Variants in MYO15A observed in about 807,000 individuals in gnomAD.
MYO15A encodes the protein myosin XVA, also known as unconventional myosin-XV.
MYO15A carries 308 observed loss-of-function variants against 394.6 expected under a neutral mutation model. The observed-to-expected ratio is 0.78, with a 90% confidence interval of 0.71 to 0.86. The LOEUF (loss-of-function observed/expected upper bound fraction) is 0.86, where lower values mean the gene tolerates loss of function less well. Among genes scored for constraint, MYO15A ranks in the 40% least tolerant of loss-of-function variants. MYO15A has a pLI of 0.00. For synonymous variants in MYO15A, 1,957 were observed against 2,003.8 expected (o/e 0.98, Z 0.62); for missense variants, 4,606 against 4,799.1 (o/e 0.96, Z 1.19).
chr17:18,120,816 CG>C lies in MYO15A; in HGVS notation c.2019del (p.Pro675ArgfsTer53). The part of the protein sequence containing the change: ...PPVPPRPPSS[G>X]PPPAPPLSPA... ...CCGTGCCCCCGCGGCCCCCAAGCTC[CG>C]GGCCCCCGCCCGCGCCGCCGCTCTC... On this transcript the variant is annotated frameshift_variant, in exon 2 of 66. Transcript: ENST00000647165. LOFTEE classifies it high-confidence loss of function. 1 of 1,218,464 alleles carries C rather than the reference CG, an allele frequency of 8.2e-7. No homozygotes were observed. The highest frequency in any genetic ancestry group is 1.0e-6 in the Non-Finnish European group (1 of 978,858). The allele number at this position is 1,218,464 out of a possible 1,614,324, so 75.5% of individuals were successfully genotyped here. A position where few individuals can be genotyped will look rare whatever the true frequency, so the allele number is the denominator to read the frequency against.
chr17:18,132,723 G>C lies in MYO15A; in HGVS notation c.4320+157G>C, dbSNP rs745444176. On this transcript the variant is annotated intron_variant, in intron 11 of 65. Coordinates refer to ENST00000647165, the MANE Select transcript of MYO15A (RefSeq NM_016239.4). The surrounding 1 kb of genome is among the most constrained non-coding windows in gnomAD (Gnocchi z 4.6). ...GATTTAAGACATCTCATGGCAGTGA[G>C]GGGGACCAGGAGTCTTCTGGGTCCA... Among the ~76,000 whole-genome samples, 1 of 152,222 alleles carries C rather than the reference G, an allele frequency of 6.6e-6. No individual in the cohort carries two copies. The highest frequency in any genetic ancestry group is 1.5e-5 in the Non-Finnish European group (1 of 68,036).
intron 29 of MYO15A, 47 bp downstream of exon 29, chr17:18,144,639 CTGAA>C: frequency 6.3e-7 from 1 of 1,585,998 alleles, no homozygotes. Flanking sequence ...GCCCCTGGCC[CTGAA>C]ACTGGGCCAT....
intron 65 of MYO15A, among the ~76,000 whole-genome samples, chr17:18,176,179 T>C (rs1468479913): frequency 1.3e-5 from 2 of 152,348 alleles, no homozygotes; most frequent in Middle Eastern, 3.4e-3. Flanking sequence ...TACGTTGCTA[T>C]AAAGGAATAT....
In MYO15A at chr17:18,152,757, G is replaced by A. The variant is rs1446621880; in HGVS notation, c.7966+573G>A. On this transcript the variant is annotated intron_variant, in intron 42 of 65. Transcript: ENST00000647165. ...GCACATTCTGTTCCTCTCTGTTCTCGGAACACTCCAAGCCCACTCCTGCCT... is the reference window on the plus strand; with the variant it reads ...GCACATTCTGTTCCTCTCTGTTCTCAGAACACTCCAAGCCCACTCCTGCCT... Among the ~76,000 whole-genome samples, 10 of 151,932 alleles carry A rather than the reference G, an allele frequency of 6.6e-5. No homozygotes were observed. The South Asian group carries it at 8.3e-4, about 13-fold the overall frequency.
intron 1 of MYO15A, among the ~76,000 whole-genome samples, chr17:18,111,940 C>G (rs117746839): frequency 0.012 from 1,888 of 152,322 alleles, 44 homozygotes; most frequent in East Asian, 0.11. Flanking sequence ...TGACCCAGAG[C>G]TCTGAGCCAC....
intron 42 of MYO15A, 81 bp downstream of exon 42, chr17:18,152,265 AGT>A: frequency 1.5e-6 from 2 of 1,366,920 alleles, no homozygotes; most frequent in Non-Finnish European, 2.0e-6. Context: ...GTGTCGGTGG[AGT>A]GTGTGTGTCT....
chr17:18,156,462 G>C (rs1488485515), intron 48 of MYO15A, 126 bp downstream of exon 48: 2 of 1,118,686 alleles, frequency 1.8e-6, no homozygotes, highest in African/African-American at 1.5e-5. Flanking sequence ...TGCACTGGCT[G>C]TGCCTTCCAC....
Position 18,148,467 on chromosome 17 carries a change from A to C in MYO15A, c.6692-29A>C. ...AGCCAAACTGGACTCAGATGCTCCAACCTGAGCCCGGCACCTGCTGCGCCC... is the reference window on the plus strand; with the variant it reads ...AGCCAAACTGGACTCAGATGCTCCACCCTGAGCCCGGCACCTGCTGCGCCC... On this transcript the variant is annotated intron_variant, in intron 31 of 65. Coordinates refer to ENST00000647165, the MANE Select transcript of MYO15A (RefSeq NM_016239.4). This position sits in a 1 kb window ranked among gnomAD's most constrained non-coding sequence, Gnocchi z 4.8. The C allele has an allele frequency of 1.3e-6, 2 of 1,551,372 alleles. No homozygotes were observed. Among genetic ancestry groups the C allele is most frequent in the Non-Finnish European group, 1.7e-6 (2 of 1,146,974 alleles).
intron 1 of MYO15A, among the ~76,000 whole-genome samples, chr17:18,112,925 G>A (rs1427638451): frequency 5.9e-5 from 9 of 151,650 alleles, no homozygotes; most frequent in African/African-American, 2.2e-4. Flanking sequence ...TCAGCTCACT[G>A]CAACCTCTGC....
Position 18,151,527 on chromosome 17 carries a change from G to C in MYO15A, c.7787G>C (p.Arg2596Thr). ...CGGGGAGGCCGGCCTGAGGCCCTCAGGTCAGCACTGCCCCTGCCCCCAGCC... is the reference window on the plus strand; with the variant it reads ...CGGGGAGGCCGGCCTGAGGCCCTCACGTCAGCACTGCCCCTGCCCCCAGCC... The part of the protein sequence containing the change: ...PFRGGRPEAL[R>T]KDGGKVFMKR... The change falls in exon 40 of 66, where the codon AGG (arginine) becomes ACG (threonine). Residue 2596 changes from arginine (R) to threonine (T), a missense_variant and splice_region_variant. By Grantham distance (71) the Arg-to-Thr change is moderately conservative. Coordinates refer to ENST00000647165, the MANE Select transcript of MYO15A (RefSeq NM_016239.4). 1 of 1,614,002 alleles carries C rather than the reference G, an allele frequency of 6.2e-7. No individual in the cohort carries two copies. The highest frequency in any genetic ancestry group is 8.5e-7 in the Non-Finnish European group (1 of 1,179,990).
intron 65 of MYO15A, 58 bp downstream of exon 65, chr17:18,173,979 C>T: frequency 6.3e-7 from 1 of 1,581,022 alleles, no homozygotes; most frequent in Non-Finnish European, 8.6e-7. Context: ...GGGCCTGGCT[C>T]CAAGATAGGT....
chr17:18,165,870 GTCCTCCCC>G (rs1040580804), intron 60 of MYO15A, among the ~76,000 whole-genome samples: 2 of 152,188 alleles, frequency 1.3e-5, no homozygotes, highest in African/African-American at 4.8e-5. Context: ...TCAGACCCCA[GTCCTCCCC>G]ACCCCCACCT....
At position 18,121,050 on chromosome 17, in the gene MYO15A, G is replaced by T; in HGVS notation, c.2250G>T (p.Arg750=). 1 of 1,509,400 alleles carries T rather than the reference G, an allele frequency of 6.6e-7. No homozygotes were observed. Among genetic ancestry groups the T allele is most frequent in the Non-Finnish European group, 8.8e-7 (1 of 1,133,712 alleles). The allele number at this position is 1,509,400 out of a possible 1,614,324, so 93.5% of individuals were successfully genotyped here. ...GACCCTCGTTCAGGGGCTCCCGCCGGAGAGGGGCGGCTTTCGGCTTCCCCG... is the reference window on the plus strand; with the variant it reads ...GACCCTCGTTCAGGGGCTCCCGCCGTAGAGGGGCGGCTTTCGGCTTCCCCG... ...GPRPSFRGSR[R]RGAAFGFPGA... is the part of the protein sequence containing the mutation. The change falls in exon 2 of 66, where the codon CGG becomes CGT. Residue 750 remains arginine, a synonymous_variant. Coordinates refer to ENST00000647165, the MANE Select transcript of MYO15A (RefSeq NM_016239.4). The surrounding 1 kb of genome is among the most constrained non-coding windows in gnomAD (Gnocchi z 5.3).
At position 18,157,233 on chromosome 17, in the gene MYO15A, G is replaced by A. The variant is rs1213352363; in HGVS notation, c.8788+3G>A. On this transcript the variant is annotated splice_donor_region_variant and intron_variant, in intron 50 of 65. Coordinates refer to ENST00000647165, the MANE Select transcript of MYO15A (RefSeq NM_016239.4). ...GCGACGTAGAGGCCCCGACTTTGGT[G>A]TGTGCCCCAGAACCTGGAACCCCAT... is the stretch of plus-strand genomic sequence containing the variant. 1.2e-6 allele frequency: 2 copies of A among 1,601,406 alleles called. No homozygotes were observed. Among genetic ancestry groups the A allele is most frequent in the Admixed American group, 1.7e-5 (1 of 58,622 alleles).
rs905425593 is a variant in MYO15A, at chr17:18,146,860, G to A, written c.6509+753G>A. ...GCATTGCTTGAACCCAGGAGGTTGA[G>A]GATGCAGTGAGCCAAGATCATGCCA... On this transcript the variant is annotated intron_variant, in intron 30 of 65. Coordinates refer to ENST00000647165, the MANE Select transcript of MYO15A (RefSeq NM_016239.4). Among the ~76,000 whole-genome samples, 3 of 152,210 alleles carry A rather than the reference G, an allele frequency of 2.0e-5. No homozygotes were observed. In the South Asian group the frequency reaches 6.2e-4, roughly 32 times the overall value.
Position 18,132,553 on chromosome 17 carries a change from A to G in MYO15A, c.4307A>G (p.Tyr1436Cys). The G allele has an allele frequency of 6.2e-7, 1 of 1,611,616 alleles. No homozygotes were observed. ...AFSLQEAETY[Y>C]YLNQGGNCEI... ...AGCCTGCAAGAGGCTGAGACCTACT[A>G]CTATCTGAACCAGGTGAGTGCCAGC... Residue 1436 changes from tyrosine to cysteine, a missense_variant, in exon 11 of 66, where the codon TAC (tyrosine) becomes TGC (cysteine). Transcript: ENST00000647165. This position sits in a 1 kb window ranked among gnomAD's most constrained non-coding sequence, Gnocchi z 4.6.
chr17:18,135,834 T>C lies in MYO15A; in HGVS notation c.4596+10T>C. The C allele has an allele frequency of 6.2e-7, 1 of 1,611,516 alleles. No homozygotes were observed. Among genetic ancestry groups the C allele is most frequent in the Non-Finnish European group, 8.5e-7 (1 of 1,178,380 alleles). On this transcript the variant is annotated intron_variant, in intron 13 of 65. Coordinates refer to ENST00000647165, the MANE Select transcript of MYO15A (RefSeq NM_016239.4). The stretch of plus-strand genomic sequence containing the variant: ...CACCTTCAAAGTGACCGTGAGTCTG[T>C]GGGCATCTGGCCTTCGAACAAAGCT...
chr17:18,121,017 A>C lies in MYO15A; in HGVS notation c.2217A>C (p.Pro739=). Residue 739 remains proline (P), a synonymous_variant, in exon 2 of 66, where the codon CCA becomes CCC. Coordinates refer to ENST00000647165, the MANE Select transcript of MYO15A (RefSeq NM_016239.4). The surrounding 1 kb of genome is among the most constrained non-coding windows in gnomAD (Gnocchi z 5.3). ...TGCCCCCCGACCTACTAGCCTTCCCAGGGCCCCGACCCTCGTTCAGGGGCT... is the reference window on the plus strand; with the variant it reads ...TGCCCCCCGACCTACTAGCCTTCCCCGGGCCCCGACCCTCGTTCAGGGGCT... ...PEVPPDLLAF[P]GPRPSFRGSR... The C allele has an allele frequency of 6.6e-7, 1 of 1,508,624 alleles. No individual in the cohort carries two copies. The allele number at this position is 1,508,624 out of a possible 1,614,324, so 93.5% of individuals were successfully genotyped here.
At position 18,120,656 on chromosome 17, in the gene MYO15A, C is replaced by G. The variant is rs559233698; in HGVS notation, c.1856C>G (p.Pro619Arg). 8.2e-6 allele frequency: 13 copies of G among 1,591,034 alleles called. No homozygotes were observed. The East Asian group carries it at 2.7e-4, about 33-fold the overall frequency. Residue 619 changes from proline (P) to arginine (R), a missense_variant, in exon 2 of 66, where the codon CCC (proline) becomes CGC (arginine). Physicochemically the swap from Pro to Arg is moderately radical, Grantham distance 103. Transcript: ENST00000647165. ...GGCTACAAGCTGGCTGGCATGGACC[C>G]CGAGAAGCCCGGCACGCCCATCGTG... ...RFGYKLAGMD[P>R]EKPGTPIVLR... is the part of the protein sequence containing the mutation.
Sources: gnomAD v4.1 joint callset for allele counts (sites outside exome capture counted in the v4.1 genomes callset) on GRCh38, gnomAD v4.1.1 for gene constraint, Gnocchi (gnomAD v3.1) non-coding constraint, MANE v1.5 for transcripts, NCBI Gene and HGNC (gene_info 2026-07-23, HGNC 2026-07-21) for gene names.